TOX3: variants seen among roughly 807,000 people sequenced by gnomAD.
TOX3 encodes TOX high mobility group box family member 3.
In TOX3, 22 loss-of-function variants were observed where a neutral mutation model predicts 64.3. The ratio of observed to expected loss-of-function variants is 0.34; its 90% CI spans 0.24 to 0.49. The LOEUF (loss-of-function observed/expected upper bound fraction) is 0.49. Ranked by LOEUF, TOX3 falls within the 20% of genes least tolerant of loss-of-function variation. The pLI, the probability that TOX3 is intolerant of heterozygous loss-of-function variation, is 0.99. For missense variants in TOX3, 661 were observed against 714.4 expected (o/e 0.93, Z 0.85); for synonymous variants, 291 against 273.6 (o/e 1.06, Z -0.63).
Position 52,437,905 on chromosome 16 carries a change from T to C in TOX3, c.*1320A>G, listed in dbSNP as rs923433633. On this transcript the variant is annotated 3_prime_UTR_variant, in exon 7 of 7. Coordinates refer to ENST00000219746, the MANE Select transcript of TOX3 (RefSeq NM_001080430.4). ...CAATGCATATTCTTGGCCATAAATA[T>C]CATATTTCCAATTGAAAAATGGAAG... 1 of 152,188 alleles carries C rather than the reference T, an allele frequency of 6.6e-6. No homozygotes were observed. Among genetic ancestry groups the C allele is most frequent in the African/African-American group, 2.4e-5 (1 of 41,340 alleles). 9.4% of individuals were successfully genotyped at this position (152,188 alleles called of 1,614,324 possible).
At position 52,450,405 on chromosome 16, in the gene TOX3, C is replaced by T. The variant is rs114182621; in HGVS notation, c.550G>A (p.Ala184Thr). 1,205 of 1,613,948 alleles carry T rather than the reference C, an allele frequency of 7.5e-4. 6 individuals carry two copies. The African/African-American group carries it at 0.014, about 19-fold the overall frequency. ...CCTCCCAAATTCAACCCCAACTGGG[C>T]GCTGAGCTGAGACTGGTTGATGGTG... is the stretch of plus-strand genomic sequence containing the variant. ...LTTINQSQLSAQLGLNLGGAS... is the reference protein window; with the variant it reads ...LTTINQSQLSTQLGLNLGGAS... The change falls in exon 4 of 7, where the codon GCC (alanine) becomes ACC (threonine). Residue 184 changes from alanine (A) to threonine (T), a missense_variant. Physicochemically the swap from Ala to Thr is moderately conservative, Grantham distance 58. This residue lies in a region of TOX3 where 259 missense variants were observed against 261.2 expected (regional missense o/e 0.99). Transcript: ENST00000219746.
At chr16:52,511,068 C>T (rs570518914) in intron 1 of TOX3, among the ~76,000 whole-genome samples, 13 of 151,998 alleles carry the variant, frequency 8.6e-5, no homozygotes, top group Non-Finnish European at 2.9e-5. Context: ...CTAAGGGGAC[C>T]AAAGAGGACA....
At chr16:52,485,139 G>A (rs1314263705) in intron 1 of TOX3, among the ~76,000 whole-genome samples, 1 of 109,532 alleles carries the variant, frequency 9.1e-6, no homozygotes, top group African/African-American at 3.7e-5. Context: ...ATACATATGT[G>A]TGTATATGTG....
Position 52,437,202 on chromosome 16 carries a change from A to G in TOX3, c.*2023T>C, listed in dbSNP as rs1171576629. 6.6e-6 allele frequency: 1 copy of G among 152,208 alleles called. No individual in the cohort carries two copies. The highest frequency in any genetic ancestry group is 1.5e-5 in the Non-Finnish European group (1 of 68,032). The allele number at this position is 152,208 out of a possible 1,614,324, so 9.4% of individuals were successfully genotyped here. ...AATTTTTCTACAGCAAGAAATCCAT[A>G]AATTTATAATTAGAATCTCTTGCTG... is the stretch of plus-strand genomic sequence containing the variant. On this transcript the variant is annotated 3_prime_UTR_variant, in exon 7 of 7. Transcript: ENST00000219746.
chr16:52,522,036 A>G (rs148197469), intron 1 of TOX3, among the ~76,000 whole-genome samples: 68 of 152,342 alleles, frequency 4.5e-4, no homozygotes, highest in African/African-American at 1.6e-3. Flanking sequence ...AATAGTACTT[A>G]CCTTATAGAG....
chr16:52,460,171 G>A (rs1031135587), intron 3 of TOX3, among the ~76,000 whole-genome samples: 9 of 151,648 alleles, frequency 5.9e-5, no homozygotes, highest in Admixed American at 2.6e-4. Flanking sequence ...CTAATACTCC[G>A]TTTGATATTG....
At chr16:52,504,770 G>C (rs924779112) in intron 1 of TOX3, among the ~76,000 whole-genome samples, 6 of 152,164 alleles carry the variant, frequency 3.9e-5, no homozygotes, top group African/African-American at 7.2e-5. Flanking sequence ...GAGTGGAGAT[G>C]AAAGAAGTCC....
chr16:52,479,253 T>A (rs1961302056), intron 1 of TOX3, among the ~76,000 whole-genome samples: 1 of 152,174 alleles, frequency 6.6e-6, no homozygotes, highest in Non-Finnish European at 1.5e-5. Context: ...CTACCTAATG[T>A]CATCAAAGTG....
At chr16:52,501,470 G>A (rs552116009) in intron 1 of TOX3, among the ~76,000 whole-genome samples, 5 of 152,162 alleles carry the variant, frequency 3.3e-5, no homozygotes, top group South Asian at 2.1e-4. Flanking sequence ...CCAGGAGTTC[G>A]AGACCAGCCT....
At chr16:52,469,084 A>T (rs1960955784) in intron 1 of TOX3, among the ~76,000 whole-genome samples, 1 of 152,214 alleles carries the variant, frequency 6.6e-6, no homozygotes. Context: ...AAATTGTAAG[A>T]CTAAAGAATA....
intron 4 of TOX3, among the ~76,000 whole-genome samples, chr16:52,448,452 C>T (rs999025482): frequency 1.3e-5 from 2 of 152,118 alleles, no homozygotes; most frequent in African/African-American, 4.8e-5. Context: ...TGTTACCTAA[C>T]CCCATCTGAT....
chr16:52,448,392 G>A (rs533082606), intron 4 of TOX3, among the ~76,000 whole-genome samples: 15 of 152,222 alleles, frequency 9.9e-5, no homozygotes, highest in East Asian at 3.9e-4. Flanking sequence ...GAAGATCAGC[G>A]GACGTGTGAT....
chr16:52,457,788 T>C (rs993542693), intron 3 of TOX3, among the ~76,000 whole-genome samples: 1 of 152,154 alleles, frequency 6.6e-6, no homozygotes, highest in Non-Finnish European at 1.5e-5. Context: ...CAATGATAAT[T>C]ACAGACCTGC....
At chr16:52,445,083 A>G (rs1009824427) in intron 5 of TOX3, 3 of 152,230 alleles carry the variant, frequency 2.0e-5, no homozygotes, top group African/African-American at 7.2e-5. Context: ...CCAGTCCCTC[A>G]GAATTATATT....
intron 1 of TOX3, among the ~76,000 whole-genome samples, chr16:52,510,705 G>A (rs112845143): frequency 0.022 from 3,070 of 141,808 alleles, 53 homozygotes; most frequent in Middle Eastern, 0.059. Flanking sequence ...GCAGTGAGCC[G>A]AGATGGGACC....
intron 1 of TOX3, among the ~76,000 whole-genome samples, chr16:52,524,672 CCA>C (rs1183895312): frequency 6.6e-6 from 1 of 152,150 alleles, no homozygotes; most frequent in Non-Finnish European, 1.5e-5. Context: ...ATCCCTCACC[CCA>C]GTTTCAGCCA....
intron 1 of TOX3, among the ~76,000 whole-genome samples, chr16:52,526,025 C>T (rs1161397211): frequency 1.3e-5 from 2 of 152,204 alleles, no homozygotes; most frequent in African/African-American, 4.8e-5. Context: ...GAATTTCCCA[C>T]TGCCTTTGAA....
At position 52,437,878 on chromosome 16, in the gene TOX3, T is replaced by C. The variant is rs1959798108; in HGVS notation, c.*1347A>G. 6.6e-6 allele frequency: 1 copy of C among 152,206 alleles called. No individual in the cohort carries two copies. The highest frequency in any genetic ancestry group is 1.5e-5 in the Non-Finnish European group (1 of 67,986). 9.4% of individuals were successfully genotyped at this position (152,206 alleles called of 1,614,324 possible). ...TTTCAAGGATCTTCATTTCAGGCTA[T>C]GCAATGCATATTCTTGGCCATAAAT... On this transcript the variant is annotated 3_prime_UTR_variant, in exon 7 of 7. Coordinates refer to ENST00000219746, the MANE Select transcript of TOX3 (RefSeq NM_001080430.4).
At position 52,446,086 on chromosome 16, in the gene TOX3, C is replaced by T; in HGVS notation, c.814G>A (p.Ala272Thr). 1 of 1,613,948 alleles carries T rather than the reference C, an allele frequency of 6.2e-7. No homozygotes were observed. The highest frequency in any genetic ancestry group is 1.3e-5 in the African/African-American group (1 of 75,046). Residue 272 changes from alanine to threonine, a missense_variant, in exon 5 of 7, where the codon GCA becomes ACA. Physicochemically the swap from Ala to Thr is moderately conservative, Grantham distance 58 (BLOSUM62 0). Coordinates refer to ENST00000219746, the MANE Select transcript of TOX3 (RefSeq NM_001080430.4). ...GCATTGGGGTTTTGACCTTTAATTG[C>T]AGCCTGTGTGTCTCTGAAAAACAGG... ...YALFFRDTQA[A>T]IKGQNPNATF...
Sources: allele counts gnomAD v4.1 joint callset (sites outside exome capture counted in the v4.1 genomes callset), GRCh38; gene constraint gnomAD v4.1.1; regional missense constraint gnomAD v4.1.1; transcripts MANE v1.5; gene names NCBI Gene and HGNC (gene_info 2026-07-23, HGNC 2026-07-21).